AUTS2: variants seen among roughly 807,000 people sequenced by gnomAD.
AUTS2 encodes the protein autism susceptibility gene 2 protein.
Under a neutral mutation model 112.4 loss-of-function variants are expected in AUTS2, and 17 were observed. That is an observed-to-expected ratio of 0.15 (90% CI 0.10 to 0.23). The LOEUF is 0.23. AUTS2 is among the 10% of genes least tolerant of loss of function. AUTS2 has a pLI of 1.00. For missense variants in AUTS2, 1,510 were observed against 1,701.6 expected (o/e 0.89, Z 1.98); for synonymous variants, 751 against 702.7 (o/e 1.07, Z -1.09).
intron 2 of AUTS2, among the ~76,000 whole-genome samples, chr7:69,912,935 T>A (rs996948647): frequency 6.6e-6 from 1 of 152,236 alleles, no homozygotes; most frequent in Non-Finnish European, 1.5e-5. Context: ...GCTATTGTAC[T>A]CTGGTTTAAA....
chr7:70,068,926 G>A (rs1386819948), intron 2 of AUTS2, among the ~76,000 whole-genome samples: 1 of 152,194 alleles, frequency 6.6e-6, no homozygotes, highest in African/African-American at 2.4e-5. Flanking sequence ...TAATCCAGAA[G>A]GATTGATGTA....
At chr7:70,783,837 T>A (rs879316170) in intron 15 of AUTS2, 1 of 152,078 alleles carries the variant, frequency 6.6e-6, no homozygotes, top group Non-Finnish European at 1.5e-5. Context: ...CTAGCCTCCT[T>A]AGCTAGTAAG....
intron 5 of AUTS2, among the ~76,000 whole-genome samples, chr7:70,549,219 G>A (rs558591240): frequency 3.2e-4 from 49 of 152,144 alleles, no homozygotes; most frequent in East Asian, 2.5e-3. Flanking sequence ...GTCTTCTATC[G>A]TATGACAGCC....
intron 1 of AUTS2, among the ~76,000 whole-genome samples, chr7:69,759,707 TATATA>T (rs888158561): frequency 4.7e-5 from 7 of 150,084 alleles, no homozygotes; most frequent in African/African-American, 1.7e-4. Context: ...GTGACTGTAT[TATATA>T]ATATAGCTTT....
intron 4 of AUTS2, among the ~76,000 whole-genome samples, chr7:70,431,224 G>T (rs907952560): frequency 6.6e-6 from 1 of 152,112 alleles, no homozygotes; most frequent in Non-Finnish European, 1.5e-5. Flanking sequence ...ATCAAAGCAG[G>T]TTCCAAAATG....
intron 4 of AUTS2, among the ~76,000 whole-genome samples, chr7:70,347,692 AC>A (rs984906229): frequency 1.3e-5 from 2 of 151,910 alleles, no homozygotes; most frequent in African/African-American, 4.8e-5. Flanking sequence ...CCTAAAATCC[AC>A]CCAGAGTAGG....
intron 1 of AUTS2, among the ~76,000 whole-genome samples, chr7:69,730,846 G>A (rs1423038402): frequency 1.3e-5 from 2 of 152,080 alleles, no homozygotes; most frequent in South Asian, 4.1e-4. Context: ...AGACATTAAG[G>A]GTCTGATTAT....
At chr7:70,389,186 T>C (rs1282224428) in intron 4 of AUTS2, among the ~76,000 whole-genome samples, 5 of 152,208 alleles carry the variant, frequency 3.3e-5, no homozygotes, top group African/African-American at 1.2e-4. Context: ...TAAGCAAATT[T>C]AGCCACAGTG....
intron 1 of AUTS2, among the ~76,000 whole-genome samples, chr7:69,716,633 T>TA (rs1798623687): frequency 1.3e-5 from 2 of 152,136 alleles, no homozygotes; most frequent in Non-Finnish European, 2.9e-5. Context: ...GGCATTCTGA[T>TA]ACTGTCTACC....
chr7:70,441,662 C>G (rs1414601087), intron 5 of AUTS2, among the ~76,000 whole-genome samples: 1 of 152,202 alleles, frequency 6.6e-6, no homozygotes, highest in Non-Finnish European at 1.5e-5. Context: ...ACTGATATTA[C>G]AGGCATGAGC....
At chr7:70,233,926 T>G (rs1812187029) in intron 4 of AUTS2, among the ~76,000 whole-genome samples, 1 of 152,236 alleles carries the variant, frequency 6.6e-6, no homozygotes, top group South Asian at 2.1e-4. Flanking sequence ...CTTTCCTGAT[T>G]GTCATACAGA....
chr7:70,034,131 A>G (rs1254646993), intron 2 of AUTS2, among the ~76,000 whole-genome samples: 1 of 152,176 alleles, frequency 6.6e-6, no homozygotes, highest in Non-Finnish European at 1.5e-5. Flanking sequence ...ATGGAAGACA[A>G]AAGTAAAAGA....
At chr7:69,830,690 A>G (rs1791461226) in intron 1 of AUTS2, among the ~76,000 whole-genome samples, 1 of 152,166 alleles carries the variant, frequency 6.6e-6, no homozygotes, top group African/African-American at 2.4e-5. Context: ...GAGCATATTT[A>G]TTTGTTTACT....
chr7:70,289,437 G>A (rs1315529870), intron 4 of AUTS2, among the ~76,000 whole-genome samples: 3 of 152,214 alleles, frequency 2.0e-5, no homozygotes. Context: ...AGCCTTCTGT[G>A]TGGAAGGTAC....
intron 2 of AUTS2, among the ~76,000 whole-genome samples, chr7:69,979,204 G>C (rs775167570): frequency 2.6e-5 from 4 of 152,166 alleles, no homozygotes; most frequent in Non-Finnish European, 4.4e-5. Context: ...AAGCTGTGGA[G>C]CATGGCCCTA....
At chr7:70,650,677 G>A (rs1806454686) in intron 5 of AUTS2, among the ~76,000 whole-genome samples, 1 of 152,162 alleles carries the variant, frequency 6.6e-6, no homozygotes, top group Admixed American at 6.5e-5. Flanking sequence ...TTGCTACCAA[G>A]AATGTTGTTT....
rs201528680 is a variant in AUTS2, at chr7:69,788,770, TA to T, written c.310-110503del. ...TCCTCCAGTGGCCTTGAAGCAAAAT[TA>T]AAAAAAAAAAAAGACACTTCTATGC... On this transcript the variant is annotated intron_variant, in intron 1 of 18. Coordinates refer to ENST00000342771, the MANE Select transcript of AUTS2 (RefSeq NM_015570.4). Among the ~76,000 whole-genome samples, 1,081 of 139,224 alleles carry T rather than the reference TA, an allele frequency of 7.8e-3. 9 individuals are homozygous for T. Among genetic ancestry groups the T allele is most frequent in the East Asian group, 0.015 (73 of 4,822 alleles). The allele number at this position is 139,224 out of a possible 152,430, so 91.3% of individuals were successfully genotyped here.
chr7:70,076,653 G>A (rs1213404059), intron 2 of AUTS2, among the ~76,000 whole-genome samples: 1 of 152,204 alleles, frequency 6.6e-6, no homozygotes, highest in Non-Finnish European at 1.5e-5. Context: ...TGGATCAAAT[G>A]TGTGGATAGC....
At chr7:70,190,333 AG>A (rs1448414157) in intron 4 of AUTS2, among the ~76,000 whole-genome samples, 3 of 152,320 alleles carry the variant, frequency 2.0e-5, no homozygotes, top group African/African-American at 7.2e-5. Context: ...TAAGGACTAA[AG>A]GGGGTACTCT....
Sources: gnomAD v4.1 joint callset for allele counts (sites outside exome capture counted in the v4.1 genomes callset) on GRCh38, gnomAD v4.1.1 for gene constraint, MANE v1.5 for transcripts, NCBI Gene and HGNC (gene_info 2026-07-23, HGNC 2026-07-21) for gene names.